EMSY: variants seen among roughly 807,000 people sequenced by gnomAD.
The protein encoded by EMSY is BRCA2-interacting transcriptional repressor EMSY.
A neutral mutation model predicts 134.6 loss-of-function variants in EMSY; 26 were observed. The ratio of observed to expected loss-of-function variants is 0.19; its 90% confidence interval spans 0.14 to 0.27. The LOEUF (loss-of-function observed/expected upper bound fraction) is 0.27. Among genes scored for constraint, EMSY ranks in the 10% least tolerant of loss-of-function variants. The probability of loss-of-function intolerance (pLI) is 1.00; values close to 1 mark genes in which losing one functional copy is unlikely to be tolerated. For synonymous variants in EMSY, 579 were observed against 577.8 expected (o/e 1.00, Z -0.03); for missense variants, 1,305 against 1,611.4 (o/e 0.81, Z 3.26).
At chr11:76,514,511 A>G (rs1950380108) in intron 10 of EMSY, among the ~76,000 whole-genome samples, 1 of 152,182 alleles carries the variant, frequency 6.6e-6, no homozygotes, top group African/African-American at 2.4e-5. Flanking sequence ...CCCCAAGGTC[A>G]TGTAGCCAAA....
chr11:76,529,259 A>G (rs1421096866), intron 14 of EMSY, among the ~76,000 whole-genome samples: 1 of 152,020 alleles, frequency 6.6e-6, no homozygotes, highest in Admixed American at 6.6e-5. Context: ...AAAGCTGTTT[A>G]TCTTCCCTTG....
intron 4 of EMSY, among the ~76,000 whole-genome samples, chr11:76,456,033 G>A (rs924030904): frequency 5.3e-5 from 8 of 152,086 alleles, no homozygotes; most frequent in Non-Finnish European, 1.0e-4. Context: ...TATAATCTTA[G>A]ATTTCTCAGA....
exon 7 of EMSY, chr11:76,463,980 T>C (rs756414390): frequency 6.2e-7 from 1 of 1,614,166 alleles, no homozygotes; most frequent in South Asian, 1.1e-5. Flanking sequence ...ATGAGCAACA[T>C]CATGCAGAGC....
chr11:76,447,526 T>A (rs1420918689), intron 2 of EMSY, among the ~76,000 whole-genome samples: 2 of 152,222 alleles, frequency 1.3e-5, no homozygotes, highest in Non-Finnish European at 2.9e-5. Context: ...CCATGCTCAC[T>A]TTTTCAAATT....
intron 4 of EMSY, chr11:76,454,768 T>A: frequency 1.2e-5 from 17 of 1,468,332 alleles, no homozygotes; most frequent in Non-Finnish European, 1.6e-5. Context: ...ATCCTTATAT[T>A]TGGGTGAAAG....
chr11:76,481,724 T>C (rs1034427298), intron 8 of EMSY, among the ~76,000 whole-genome samples: 2 of 152,184 alleles, frequency 1.3e-5, no homozygotes, highest in African/African-American at 2.4e-5. Context: ...AGGGCATCTC[T>C]GAAAGAAAGG....
intron 11 of EMSY, among the ~76,000 whole-genome samples, chr11:76,518,684 C>CATATATAT (rs796392038): frequency 0.02 from 2,411 of 121,514 alleles, 85 homozygotes; most frequent in Admixed American, 0.08. Flanking sequence ...TGTGTGCGCG[C>CATATATAT]ATATATATAT....
chr11:76,446,972 A>G, exon 2 of EMSY: 1 of 1,613,772 alleles, frequency 6.2e-7, no homozygotes, highest in Non-Finnish European at 8.5e-7. Flanking sequence ...TCTGGATCTC[A>G]GCAGGGATGA....
intron 9 of EMSY, among the ~76,000 whole-genome samples, chr11:76,511,556 C>T (rs1245301309): frequency 5.3e-5 from 8 of 151,916 alleles, no homozygotes; most frequent in African/African-American, 1.9e-4. Context: ...AAAAATTAGC[C>T]GGGCATGATG....
intron 9 of EMSY, among the ~76,000 whole-genome samples, chr11:76,512,112 G>A (rs562576537): frequency 1.9e-4 from 29 of 152,210 alleles, no homozygotes; most frequent in African/African-American, 7.0e-4. Context: ...ATAATTCTTA[G>A]TTGTCTATAA....
chr11:76,454,814 T>A (rs1381069088), intron 4 of EMSY, 24 bp downstream of exon 5: 1 of 1,410,084 alleles, frequency 7.1e-7, no homozygotes, highest in Non-Finnish European at 9.5e-7. Flanking sequence ...TTATTATTAT[T>A]TCAGGCTTTT....
chr11:76,469,442 A>G (rs1175606301), intron 7 of EMSY, among the ~76,000 whole-genome samples: 1 of 152,232 alleles, frequency 6.6e-6, no homozygotes. Context: ...GGATTCTCAG[A>G]GGTATCAGAA....
intron 8 of EMSY, among the ~76,000 whole-genome samples, chr11:76,490,841 G>A (rs1949389389): frequency 6.6e-6 from 1 of 151,746 alleles, no homozygotes; most frequent in South Asian, 2.1e-4. Flanking sequence ...TTCTGGATAT[G>A]TTCATTGCTA....
At chr11:76,522,337 A>G (rs868776413) in intron 11 of EMSY, among the ~76,000 whole-genome samples, 3 of 89,428 alleles carry the variant, frequency 3.4e-5, no homozygotes, top group African/African-American at 1.2e-4. Flanking sequence ...CTTGTTTTGT[A>G]TATCGTTTAC....
intron 8 of EMSY, among the ~76,000 whole-genome samples, chr11:76,475,126 G>A (rs887561698): frequency 3.3e-5 from 5 of 152,026 alleles, no homozygotes; most frequent in African/African-American, 7.3e-5. Context: ...AACATGTTCC[G>A]AATTCACCAT....
chr11:76,471,153 C>T (rs1054146050), intron 7 of EMSY, among the ~76,000 whole-genome samples: 1 of 152,090 alleles, frequency 6.6e-6, no homozygotes, highest in African/African-American at 2.4e-5. Context: ...AATTTGTCTC[C>T]CTGTTTCTAC....
chr11:76,477,263 TA>T (rs1183642423), intron 8 of EMSY, among the ~76,000 whole-genome samples: 5 of 147,516 alleles, frequency 3.4e-5, no homozygotes, highest in African/African-American at 1.2e-4. Context: ...TAGGTTAATT[TA>T]TTTCTGTTTT....
chr11:76,503,955 T>TC (rs1211082971), intron 9 of EMSY, among the ~76,000 whole-genome samples: 1 of 151,552 alleles, frequency 6.6e-6, no homozygotes, highest in African/African-American at 2.4e-5. Flanking sequence ...CGGCTAATTT[T>TC]TTTTTTTTTT....
intron 10 of EMSY, among the ~76,000 whole-genome samples, chr11:76,515,627 A>AG (rs1950425781): frequency 6.6e-6 from 1 of 152,192 alleles, no homozygotes; most frequent in South Asian, 2.1e-4. Context: ...AACCCTTTAA[A>AG]GGTGGACGTA....
Sources: gnomAD v4.1 joint callset for allele counts (sites outside exome capture counted in the v4.1 genomes callset) on GRCh38, gnomAD v4.1.1 for gene constraint, MANE v1.5 for transcripts, NCBI Gene and HGNC (gene_info 2026-07-23, HGNC 2026-07-21) for gene names.